CHRNB4: variants seen among roughly 807,000 people sequenced by gnomAD.
CHRNB4 encodes the protein cholinergic receptor nicotinic beta 4 subunit.
In CHRNB4, 23 loss-of-function variants were observed where a neutral mutation model predicts 40.4. The ratio of observed to expected loss-of-function variants is 0.57; its 90% CI spans 0.41 to 0.81. CHRNB4 has a LOEUF of 0.81. Among genes scored for constraint, CHRNB4 ranks in the 30% least tolerant of loss-of-function variants. The pLI is 0.00. For missense variants in CHRNB4, 568 were observed against 670.6 expected, an observed-to-expected ratio of 0.85 and a Z score of 1.69; for synonymous variants, 285 against 274.4, an observed-to-expected ratio of 1.04 and a Z score of -0.38.
intron 7 of CHRNB4, among the ~76,000 whole-genome samples, chr15:78,647,080 C>T (rs1814622315): frequency 1.3e-5 from 2 of 152,130 alleles, no homozygotes; most frequent in Admixed American, 1.3e-4. Context: ...TTTGAGGCTG[C>T]AGTGAGTTGT....
chr15:78,661,625 C>T (rs2054254325), upstream of CHRNB4: 5 of 469,888 alleles, frequency 1.1e-5, no homozygotes, highest in Non-Finnish European at 1.7e-5. Context: ...GCCTCCTGCT[C>T]GGCCAGTTCC....
At chr15:78,657,767 T>G (rs2054226128) in intron 2 of CHRNB4, among the ~76,000 whole-genome samples, 1 of 151,794 alleles carries the variant, frequency 6.6e-6, no homozygotes, top group Non-Finnish European at 1.5e-5. Context: ...TTAGCCAGGA[T>G]AGTCTTGATC....
upstream of CHRNB4, chr15:78,661,122 G>A (rs12595350): frequency 0.19 from 118,144 of 614,406 alleles, 16,112 homozygotes; most frequent in Admixed American, 0.41. Context: ...AGGCTTTGGT[G>A]TGGCTGTGCG....
chr15:78,627,303 A>T (rs903885189), intron 5 of CHRNB4: 2 of 152,200 alleles, frequency 1.3e-5, no homozygotes. Flanking sequence ...CCTGGTTAAA[A>T]TGCAGGTTTG....
chr15:78,629,964 TGGA>T lies in CHRNB4; in HGVS notation c.360-22_360-20del. 1 of 1,535,344 alleles carries T rather than the reference TGGA, an allele frequency of 6.5e-7. No individual in the cohort carries two copies. Among genetic ancestry groups the T allele is most frequent in the Non-Finnish European group, 8.7e-7 (1 of 1,148,574 alleles). ...GTCGGCGCTGGGCAGGGTCAGGGCA[TGGA>T]GAACATCGTGAAACCCATACACAAA... On this transcript the variant is annotated intron_variant, in intron 4 of 5. Transcript: ENST00000261751. The surrounding 1 kb of genome is among the most constrained non-coding windows in gnomAD (Gnocchi z 6.8).
upstream of CHRNB4, among the ~76,000 whole-genome samples, chr15:78,644,174 A>AC (rs1201305228): frequency 6.6e-6 from 1 of 151,598 alleles, no homozygotes; most frequent in Admixed American, 6.6e-5. Context: ...AAAAAAAAAA[A>AC]GATTCTATTC....
chr15:78,624,965 C>A lies in CHRNB4; in HGVS notation c.*168G>T. ...ATCCCTCCAAGGCATTCAGAGAGGA[C>A]AGCCCAGGCCCCCATCCTTGCCTGT... On this transcript the variant is annotated 3_prime_UTR_variant, in exon 6 of 6. Transcript: ENST00000261751. The A allele has an allele frequency of 6.5e-7, 1 of 1,542,388 alleles. No homozygotes were observed. The highest frequency in any genetic ancestry group is 1.9e-5 in the Admixed American group (1 of 51,700).
upstream of CHRNB4, chr15:78,660,666 C>G (rs2054244667): frequency 5.6e-6 from 1 of 178,992 alleles, no homozygotes; most frequent in Admixed American, 5.6e-5. Context: ...TCATGCTTGT[C>G]CATCACTCCA....
upstream of CHRNB4, among the ~76,000 whole-genome samples, chr15:78,641,956 T>A (rs1042002853): frequency 2.6e-5 from 4 of 152,232 alleles, no homozygotes; most frequent in African/African-American, 7.2e-5. Flanking sequence ...GCAGCCTCAA[T>A]TCTGGATCTA....
intron 2 of CHRNB4, among the ~76,000 whole-genome samples, 167 bp downstream of exon 2, chr15:78,635,272 A>G (rs2053923722): frequency 6.6e-6 from 1 of 152,216 alleles, no homozygotes; most frequent in East Asian, 1.9e-4. Context: ...TTCATTAAAT[A>G]TTGGACACCT....
chr15:78,647,384 A>C (rs891575355), intron 7 of CHRNB4, among the ~76,000 whole-genome samples: 1 of 151,286 alleles, frequency 6.6e-6, no homozygotes, highest in African/African-American at 2.4e-5. Context: ...CAACCAAAAG[A>C]AAAGTGGGCA....
upstream of CHRNB4, chr15:78,661,363 C>T: frequency 3.7e-6 from 2 of 542,078 alleles, no homozygotes; most frequent in Non-Finnish European, 3.6e-6. Flanking sequence ...TTATGGTCCC[C>T]AAGACCACGG....
intron 1 of CHRNB4, 106 bp downstream of exon 1, chr15:78,640,973 A>T (rs71534214): frequency 7.8e-7 from 1 of 1,281,514 alleles, no homozygotes; most frequent in Non-Finnish European, 1.1e-6. Context: ...ATCTCGGGCC[A>T]CTCCCCCGGG....
At position 78,641,070 on chromosome 15, in the gene CHRNB4, A is replaced by G; in HGVS notation, c.55+9T>C. On this transcript the variant is annotated intron_variant, in intron 1 of 5. Transcript: ENST00000261751. ...GGCGCCCCTCCCTCCTTCCCCGAAAAGAACTCACCGCGCCCGCAAAGGGCG... is the reference window on the plus strand; with the variant it reads ...GGCGCCCCTCCCTCCTTCCCCGAAAGGAACTCACCGCGCCCGCAAAGGGCG... 6.4e-7 allele frequency: 1 copy of G among 1,574,272 alleles called. No homozygotes were observed. The highest frequency in any genetic ancestry group is 8.6e-7 in the Non-Finnish European group (1 of 1,160,162).
upstream of CHRNB4, among the ~76,000 whole-genome samples, chr15:78,644,243 AAG>A (rs2054106019): frequency 6.6e-6 from 1 of 151,478 alleles, no homozygotes; most frequent in African/African-American, 2.4e-5. Flanking sequence ...GCCTTTCATG[AAG>A]AGTGTTGCTA....
upstream of CHRNB4, among the ~76,000 whole-genome samples, chr15:78,646,057 CA>C (rs370310559): frequency 3.7e-3 from 417 of 113,548 alleles, 3 homozygotes; most frequent in Middle Eastern, 9.7e-3. Flanking sequence ...GAGACCGTCT[CA>C]AAAAAAAAAA....
chr15:78,632,225 CT>C (rs2053842928), intron 2 of CHRNB4, among the ~76,000 whole-genome samples: 5 of 87,128 alleles, frequency 5.7e-5, no homozygotes, highest in Non-Finnish European at 9.9e-5. Context: ...CTTTCTCTCT[CT>C]CTCTCTCTCT....
At chr15:78,630,790 G>A (rs1348646920) in intron 4 of CHRNB4, 2 of 395,344 alleles carry the variant, frequency 5.1e-6, no homozygotes, top group South Asian at 3.2e-5. Context: ...AGGATAGTAT[G>A]GAACACAGAA....
At chr15:78,632,222 TCTCTCTCTCTC>T (rs2053841945) in intron 2 of CHRNB4, among the ~76,000 whole-genome samples, 2 of 88,924 alleles carry the variant, frequency 2.2e-5, no homozygotes, top group African/African-American at 1.4e-4. Flanking sequence ...TCTCTTTCTC[TCTCTCTCTCTC>T]TCTCTCTCTC....
Sources: gnomAD v4.1 joint callset for allele counts (sites outside exome capture counted in the v4.1 genomes callset) on GRCh38, gnomAD v4.1.1 for gene constraint, Gnocchi (gnomAD v3.1) non-coding constraint, MANE v1.5 for transcripts, NCBI Gene and HGNC (gene_info 2026-07-23, HGNC 2026-07-21) for gene names.